The following LAMA2 variants were observed in gnomAD, a reference collection of about 807,000 sequenced individuals.
LAMA2 encodes the protein laminin subunit alpha-2.
LAMA2 carries 269 observed loss-of-function variants against 364.8 expected under a neutral mutation model. That is an observed-to-expected ratio of 0.74 (90% CI 0.67 to 0.82). The LOEUF (loss-of-function observed/expected upper bound fraction) is 0.82, where lower values mean the gene tolerates loss of function less well. Ranked by LOEUF, LAMA2 falls within the 40% of genes least tolerant of loss-of-function variation. LAMA2 has a pLI of 0.00. For missense variants in LAMA2, 3,807 were observed against 3,873.2 expected, an observed-to-expected ratio of 0.98 and a Z score of 0.45; for synonymous variants, 1,379 against 1,370.6, an observed-to-expected ratio of 1.01 and a Z score of -0.14.
chr6:129,210,040 C>G (rs1782991791), intron 12 of LAMA2, among the ~76,000 whole-genome samples: 1 of 144,958 alleles, frequency 6.9e-6, no homozygotes, highest in African/African-American at 2.6e-5. Context: ...TACTATTGAC[C>G]CTTACTCTGG....
At chr6:129,028,273 C>T (rs1186433515) in intron 1 of LAMA2, among the ~76,000 whole-genome samples, 1 of 151,742 alleles carries the variant, frequency 6.6e-6, no homozygotes, top group Non-Finnish European at 1.5e-5. Flanking sequence ...TTTTCTAACT[C>T]ATATTGTATA....
chr6:128,968,177 A>G (rs1781967717), intron 1 of LAMA2, among the ~76,000 whole-genome samples: 1 of 152,192 alleles, frequency 6.6e-6, no homozygotes, highest in African/African-American at 2.4e-5. Flanking sequence ...GGTCTTTATA[A>G]ATGACCACAA....
intron 9 of LAMA2, among the ~76,000 whole-genome samples, chr6:129,167,924 G>A (rs1253360696): frequency 2.0e-5 from 3 of 150,186 alleles, no homozygotes; most frequent in Non-Finnish European, 4.4e-5. Context: ...GTGATGATGA[G>A]CATTTTTTCA....
At chr6:129,232,368 G>C (rs762508852) in intron 12 of LAMA2, among the ~76,000 whole-genome samples, 11 of 152,068 alleles carry the variant, frequency 7.2e-5, no homozygotes, top group Non-Finnish European at 1.2e-4. Context: ...CCTGTTGTTA[G>C]AAGGCTGTCA....
intron 1 of LAMA2, among the ~76,000 whole-genome samples, chr6:129,027,351 T>A (rs754553587): frequency 1.3e-5 from 2 of 152,070 alleles, no homozygotes; most frequent in African/African-American, 2.4e-5. Flanking sequence ...ACCCCACTGA[T>A]AGTTTTTAAT....
At chr6:129,023,078 C>T (rs980873350) in intron 1 of LAMA2, among the ~76,000 whole-genome samples, 6 of 152,118 alleles carry the variant, frequency 3.9e-5, no homozygotes, top group Non-Finnish European at 8.8e-5. Context: ...ATGCACTACC[C>T]TCCCTGCATC....
intron 4 of LAMA2, among the ~76,000 whole-genome samples, chr6:129,130,166 C>G (rs1237550136): frequency 6.6e-6 from 1 of 152,114 alleles, no homozygotes; most frequent in Non-Finnish European, 1.5e-5. Context: ...GAATATTGAT[C>G]AGATTTTCAG....
At chr6:129,247,957 A>G (rs1785882414) in intron 12 of LAMA2, among the ~76,000 whole-genome samples, 2 of 151,576 alleles carry the variant, frequency 1.3e-5, no homozygotes, top group African/African-American at 4.9e-5. Context: ...TTCCTCTCTC[A>G]TAGTATTTTA....
chr6:129,049,323 C>G (rs1380789805), intron 1 of LAMA2, among the ~76,000 whole-genome samples: 3 of 152,104 alleles, frequency 2.0e-5, no homozygotes, highest in African/African-American at 4.8e-5. Flanking sequence ...TCATGGACCA[C>G]TATAATGGCT....
chr6:129,318,100 G>A (rs1475726405), intron 27 of LAMA2, among the ~76,000 whole-genome samples: 3 of 152,166 alleles, frequency 2.0e-5, no homozygotes, highest in African/African-American at 4.8e-5. Flanking sequence ...TTGTAAGGCA[G>A]TGGAATTGTG....
intron 32 of LAMA2, among the ~76,000 whole-genome samples, chr6:129,354,594 A>G: frequency 6.6e-6 from 1 of 152,278 alleles, no homozygotes; most frequent in East Asian, 1.9e-4. Flanking sequence ...GATAATATAT[A>G]GATATTCTTA....
intron 1 of LAMA2, among the ~76,000 whole-genome samples, chr6:128,883,675 G>A (rs1775957567): frequency 6.6e-6 from 1 of 151,358 alleles, no homozygotes; most frequent in Non-Finnish European, 1.5e-5. Context: ...TTTTCCAATT[G>A]GAAAAAAAAG....
At chr6:129,009,375 T>G (rs1784632408) in intron 1 of LAMA2, among the ~76,000 whole-genome samples, 1 of 152,080 alleles carries the variant, frequency 6.6e-6, no homozygotes, top group Non-Finnish European at 1.5e-5. Flanking sequence ...GCTTCAAAAT[T>G]TTGGCAAATG....
intron 1 of LAMA2, among the ~76,000 whole-genome samples, chr6:128,908,995 G>A (rs1777693956): frequency 6.8e-6 from 1 of 146,516 alleles, no homozygotes; most frequent in Non-Finnish European, 1.5e-5. Flanking sequence ...ACTGTGGTCT[G>A]AGAGATAGTT....
intron 12 of LAMA2, among the ~76,000 whole-genome samples, chr6:129,220,134 T>C (rs1450196655): frequency 6.6e-6 from 1 of 152,206 alleles, no homozygotes; most frequent in Non-Finnish European, 1.5e-5. Context: ...ACTTGTTCAT[T>C]GATTTAGACA....
chr6:129,038,549 A>C (rs1326106835), intron 1 of LAMA2, among the ~76,000 whole-genome samples: 1 of 152,226 alleles, frequency 6.6e-6, no homozygotes, highest in Non-Finnish European at 1.5e-5. Flanking sequence ...TGATACCTGT[A>C]CAGAATAGTC....
chr6:129,320,457 A>G, intron 27 of LAMA2, 81 bp from the exon 28 acceptor site: 1 of 846,460 alleles, frequency 1.2e-6, no homozygotes, highest in Admixed American at 1.7e-5. Flanking sequence ...CGTGAGAAGG[A>G]TATTGCTGTA....
intron 49 of LAMA2, among the ~76,000 whole-genome samples, chr6:129,463,922 T>A (rs1783396419): frequency 6.6e-6 from 1 of 151,912 alleles, no homozygotes; most frequent in Non-Finnish European, 1.5e-5. Context: ...CAGAGTAGGA[T>A]CCTATATATA....
At chr6:129,039,368 G>T (rs1238905987) in intron 1 of LAMA2, among the ~76,000 whole-genome samples, 9 of 152,188 alleles carry the variant, frequency 5.9e-5, no homozygotes, top group Non-Finnish European at 1.2e-4. Context: ...AATAGGAAGA[G>T]ATCAGTTCAC....
Sources: gnomAD v4.1 joint callset for allele counts (sites outside exome capture counted in the v4.1 genomes callset) on GRCh38, gnomAD v4.1.1 for gene constraint, MANE v1.5 for transcripts, NCBI Gene and HGNC (gene_info 2026-07-23, HGNC 2026-07-21) for gene names.